TTC39B: variants seen among roughly 807,000 people sequenced by gnomAD.
The protein encoded by TTC39B is tetratricopeptide repeat domain 39B, also known as tetratricopeptide repeat protein 39B.
Under a neutral mutation model 96.6 loss-of-function variants are expected in TTC39B, and 92 were observed. The observed-to-expected ratio is 0.95, with a 90% CI of 0.80 to 1.13. The LOEUF (loss-of-function observed/expected upper bound fraction) is 1.13. TTC39B is among the 50% of genes most tolerant of loss of function. The pLI is 0.00. For missense variants in TTC39B, 955 were observed against 809.3 expected (o/e 1.18, Z -2.18); for synonymous variants, 367 against 299.4 (o/e 1.23, Z -2.33).
chr9:15,181,205 A>C (rs1818231271), intron 17 of TTC39B, among the ~76,000 whole-genome samples: 1 of 152,170 alleles, frequency 6.6e-6, no homozygotes, highest in Non-Finnish European at 1.5e-5. Context: ...AGTTAACAAA[A>C]ATGAGTTAAC....
intron 1 of TTC39B, among the ~76,000 whole-genome samples, chr9:15,301,023 T>C (rs992408624): frequency 2.6e-5 from 4 of 152,080 alleles, no homozygotes; most frequent in African/African-American, 9.7e-5. Flanking sequence ...TTTCTGCCCT[T>C]GACACTCTCC....
chr9:15,241,013 T>TC (rs1822014072), intron 2 of TTC39B, among the ~76,000 whole-genome samples: 1 of 152,202 alleles, frequency 6.6e-6, no homozygotes, highest in African/African-American at 2.4e-5. Context: ...ATTGAAGGAA[T>TC]CAGCCCTCAT....
At chr9:15,234,733 C>T (rs545290040) in intron 2 of TTC39B, among the ~76,000 whole-genome samples, 2,629 of 151,680 alleles carry the variant, frequency 0.017, 72 homozygotes, top group African/African-American at 0.06. Context: ...ACCTTACCCC[C>T]AACCCTGTGC....
intron 2 of TTC39B, among the ~76,000 whole-genome samples, chr9:15,242,955 C>A (rs1033017138): frequency 2.0e-5 from 3 of 152,190 alleles, no homozygotes; most frequent in Non-Finnish European, 4.4e-5. Context: ...ATCTCAGGAA[C>A]CTGTGGGCCA....
chr9:15,285,809 C>CGCGTGACT (rs1193315171), intron 1 of TTC39B, among the ~76,000 whole-genome samples: 1 of 152,024 alleles, frequency 6.6e-6, no homozygotes, highest in Non-Finnish European at 1.5e-5. Context: ...GAGCCGAGAT[C>CGCGTGACT]GCGTGACTGC....
chr9:15,288,837 A>C (rs913122596), intron 1 of TTC39B, among the ~76,000 whole-genome samples: 1 of 152,152 alleles, frequency 6.6e-6, no homozygotes, highest in Non-Finnish European at 1.5e-5. Flanking sequence ...GCACCTGCCC[A>C]TCTTTGTGCT....
chr9:15,266,708 T>C (rs1359382186), intron 2 of TTC39B, among the ~76,000 whole-genome samples: 4 of 152,080 alleles, frequency 2.6e-5, no homozygotes, highest in Admixed American at 2.6e-4. Context: ...AATTTAAATA[T>C]GGAGCCTTTG....
exon 20 of TTC39B, chr9:15,168,955 A>T (rs887108485): frequency 6.6e-6 from 1 of 151,944 alleles, no homozygotes; most frequent in African/African-American, 2.4e-5. Context: ...GGGGGGGAGC[A>T]TTTTTTCTTT....
At chr9:15,190,696 C>A in intron 10 of TTC39B, 34 bp from the exon 11 acceptor site, 1 of 1,539,770 alleles carries the variant, frequency 6.5e-7, no homozygotes, top group Non-Finnish European at 9.0e-7. Flanking sequence ...AGAAAGAGAA[C>A]AAGACTGGAA....
At chr9:15,261,558 C>T (rs1470914644) in intron 2 of TTC39B, among the ~76,000 whole-genome samples, 1 of 152,130 alleles carries the variant, frequency 6.6e-6, no homozygotes, top group Non-Finnish European at 1.5e-5. Context: ...AGGAATCCTC[C>T]ATGACCCAAC....
At chr9:15,218,438 G>A (rs1311452008) in intron 3 of TTC39B, among the ~76,000 whole-genome samples, 3 of 151,928 alleles carry the variant, frequency 2.0e-5, no homozygotes, top group African/African-American at 7.3e-5. Context: ...GAACTTTCAA[G>A]CCCTATGCAA....
chr9:15,233,688 C>CG (rs1159128771), intron 2 of TTC39B, among the ~76,000 whole-genome samples: 1 of 152,178 alleles, frequency 6.6e-6, no homozygotes, highest in Non-Finnish European at 1.5e-5. Flanking sequence ...AGTGCAGTGG[C>CG]GTGATCTCGG....
At chr9:15,295,150 G>T (rs1824327896) in intron 1 of TTC39B, among the ~76,000 whole-genome samples, 1 of 152,170 alleles carries the variant, frequency 6.6e-6, no homozygotes, top group Non-Finnish European at 1.5e-5. Flanking sequence ...ACCCCAGAAG[G>T]TCAGAAGTTT....
chr9:15,171,294 G>A (rs902062526), exon 20 of TTC39B: 4 of 152,144 alleles, frequency 2.6e-5, no homozygotes, highest in African/African-American at 9.6e-5. Flanking sequence ...CTAAGGTTAA[G>A]AAAAATTCCT....
In TTC39B at chr9:15,267,791, T is replaced by G. The variant is rs1823190003; in HGVS notation, c.275+123A>C. On this transcript the variant is annotated intron_variant, in intron 2 of 19. Transcript: ENST00000512701. ...TCCTCTTTAATTATAGAAAAGTGAC[T>G]TTTTTTTTCTGAAAATAGCCATTGC... 4.0e-6 allele frequency: 3 copies of G among 741,374 alleles called. No individual in the cohort carries two copies. The East Asian group carries it at 8.6e-5, about 21-fold the overall frequency. The allele number at this position is 741,374 out of a possible 1,614,324, so 45.9% of individuals were successfully genotyped here.
intron 1 of TTC39B, among the ~76,000 whole-genome samples, chr9:15,272,216 C>G (rs920452624): frequency 6.6e-6 from 1 of 152,206 alleles, no homozygotes; most frequent in Non-Finnish European, 1.5e-5. Flanking sequence ...ATTCCACAGT[C>G]TCCCACCTGG....
At chr9:15,284,803 G>A (rs1359680250) in intron 1 of TTC39B, among the ~76,000 whole-genome samples, 1 of 152,066 alleles carries the variant, frequency 6.6e-6, no homozygotes, top group African/African-American at 2.4e-5. Context: ...ATCTTTTACA[G>A]TGAGAATAAT....
At chr9:15,291,247 G>A (rs1476730866) in intron 1 of TTC39B, among the ~76,000 whole-genome samples, 1 of 152,204 alleles carries the variant, frequency 6.6e-6, no homozygotes. Context: ...TGCGCTGTGG[G>A]AGGGACCCAG....
chr9:15,258,043 A>G (rs1447120658), intron 2 of TTC39B, among the ~76,000 whole-genome samples: 1 of 151,232 alleles, frequency 6.6e-6, no homozygotes, highest in Non-Finnish European at 1.5e-5. Context: ...CTGGGCAATA[A>G]GAGCAAAACT....
Sources: allele counts gnomAD v4.1 joint callset (sites outside exome capture counted in the v4.1 genomes callset), GRCh38; gene constraint gnomAD v4.1.1; transcripts MANE v1.5; gene names NCBI Gene and HGNC (gene_info 2026-07-23, HGNC 2026-07-21).